PLPPR1: variants seen among roughly 807,000 people sequenced by gnomAD.
PLPPR1 encodes the protein phospholipid phosphatase-related protein type 1.
PLPPR1 carries 10 observed loss-of-function variants against 33.1 expected under a neutral mutation model. The observed-to-expected ratio is 0.30, with a 90% CI of 0.19 to 0.51. The LOEUF is 0.51. Ranked by LOEUF, PLPPR1 falls within the 20% of genes least tolerant of loss-of-function variation. The probability of loss-of-function intolerance (pLI) is 0.97; values close to 1 mark genes in which losing one functional copy is unlikely to be tolerated. For missense variants in PLPPR1, 304 were observed against 408.1 expected, an observed-to-expected ratio of 0.74 and a Z score of 2.20; for synonymous variants, 151 against 151.0, an observed-to-expected ratio of 1.00 and a Z score of 0.00.
chr9:101,092,836 G>T (rs1255749402), intron 1 of PLPPR1, among the ~76,000 whole-genome samples: 1 of 152,146 alleles, frequency 6.6e-6, no homozygotes. Flanking sequence ...ACGGTTAGAT[G>T]AGGTCACGAG....
intron 2 of PLPPR1, among the ~76,000 whole-genome samples, chr9:101,188,884 T>G (rs1826247987): frequency 6.6e-6 from 1 of 152,118 alleles, no homozygotes; most frequent in African/African-American, 2.4e-5. Flanking sequence ...ATATTTTCCT[T>G]AAAATTTTCA....
Position 101,278,738 on chromosome 9 carries a change from C to T in PLPPR1, c.253-7366C>T, listed in dbSNP as rs373762880. Reference sequence around the variant, plus strand: ...CCAGTCCTGGGTGGGACCCTGCAGTCCCAGACTTCAAGCCTGTGAGGCAGA... The same window carrying T: ...CCAGTCCTGGGTGGGACCCTGCAGTTCCAGACTTCAAGCCTGTGAGGCAGA... On this transcript the variant is annotated intron_variant, in intron 3 of 7. Coordinates refer to ENST00000374874, the MANE Select transcript of PLPPR1 (RefSeq NM_207299.2). 2.0e-5 allele frequency among the ~76,000 whole-genome samples: 3 copies of T among 152,264 alleles called. 1 individual carries two copies. The East Asian group carries it at 5.8e-4, about 29-fold the overall frequency.
intron 1 of PLPPR1, among the ~76,000 whole-genome samples, chr9:101,118,409 CAA>C (rs1242683278): frequency 6.6e-6 from 1 of 152,158 alleles, no homozygotes; most frequent in Admixed American, 6.5e-5. Context: ...ATAAATCAAA[CAA>C]GAGGTGACGA....
intron 2 of PLPPR1, among the ~76,000 whole-genome samples, chr9:101,224,019 T>A (rs1015411876): frequency 2.0e-5 from 3 of 152,168 alleles, no homozygotes; most frequent in African/African-American, 7.2e-5. Flanking sequence ...TGATGTATTA[T>A]AACATATGGC....
chr9:101,121,005 A>G (rs1203812266), intron 1 of PLPPR1, among the ~76,000 whole-genome samples: 4 of 152,198 alleles, frequency 2.6e-5, no homozygotes, highest in Admixed American at 1.3e-4. Context: ...GAGGTGAACT[A>G]TAATCCTGGG....
At chr9:101,029,293 C>T (rs1829910700) in intron 1 of PLPPR1, among the ~76,000 whole-genome samples, 191 bp downstream of exon 1, 1 of 152,224 alleles carries the variant, frequency 6.6e-6, no homozygotes, top group African/African-American at 2.4e-5. Context: ...GGGTCGCCTC[C>T]TGCGAGGTGT....
At chr9:101,154,765 T>C (rs12350634) in intron 1 of PLPPR1, among the ~76,000 whole-genome samples, 315 of 152,114 alleles carry the variant, frequency 2.1e-3, no homozygotes, top group African/African-American at 7.2e-3. Flanking sequence ...ATATACACCA[T>C]GGAATACTAT....
At chr9:101,173,647 C>G (rs1825978406) in intron 1 of PLPPR1, among the ~76,000 whole-genome samples, 1 of 152,100 alleles carries the variant, frequency 6.6e-6, no homozygotes, top group East Asian at 1.9e-4. Context: ...TTTAACCCAG[C>G]TAAAGAAGTT....
chr9:101,043,224 C>A (rs1830100592), intron 1 of PLPPR1, among the ~76,000 whole-genome samples: 1 of 151,864 alleles, frequency 6.6e-6, no homozygotes, highest in South Asian at 2.1e-4. Flanking sequence ...TAGGTTGCTG[C>A]AAATGCTGTT....
chr9:101,150,970 T>C (rs1426101803), intron 1 of PLPPR1, among the ~76,000 whole-genome samples: 1 of 152,184 alleles, frequency 6.6e-6, no homozygotes, highest in Non-Finnish European at 1.5e-5. Flanking sequence ...TTTTACATGA[T>C]TGGTCTGCTG....
At chr9:101,031,452 G>A (rs1371374792) in intron 1 of PLPPR1, among the ~76,000 whole-genome samples, 2 of 152,198 alleles carry the variant, frequency 1.3e-5, no homozygotes, top group South Asian at 2.1e-4. Context: ...TAGAAAGCAG[G>A]ATGGTTCTGT....
At chr9:101,123,014 G>C (rs1831195514) in intron 1 of PLPPR1, among the ~76,000 whole-genome samples, 1 of 152,164 alleles carries the variant, frequency 6.6e-6, no homozygotes, top group Non-Finnish European at 1.5e-5. Context: ...TGTAACATCG[G>C]TATGGTAGAT....
intron 1 of PLPPR1, among the ~76,000 whole-genome samples, chr9:101,057,521 A>AGGTGAT (rs895986261): frequency 1.3e-5 from 2 of 151,970 alleles, no homozygotes; most frequent in Non-Finnish European, 2.9e-5. Context: ...ACAATAAACA[A>AGGTGAT]GGTGATGGTA....
intron 2 of PLPPR1, among the ~76,000 whole-genome samples, chr9:101,220,500 G>T (rs753103113): frequency 6.6e-5 from 10 of 152,132 alleles, no homozygotes; most frequent in Admixed American, 1.3e-4. Flanking sequence ...TTAAGATAAG[G>T]CTTGATCCAG....
intron 1 of PLPPR1, among the ~76,000 whole-genome samples, chr9:101,053,214 A>C (rs1350215113): frequency 6.6e-6 from 1 of 152,158 alleles, no homozygotes; most frequent in Non-Finnish European, 1.5e-5. Context: ...GGCCACCATT[A>C]TCTAATCACT....
intron 3 of PLPPR1, 23 bp downstream of exon 3, chr9:101,270,091 C>T (rs771124789): frequency 6.2e-7 from 1 of 1,610,590 alleles, no homozygotes; most frequent in Non-Finnish European, 8.5e-7. Context: ...ATAGACTTTC[C>T]TCTTTATTGT....
chr9:101,244,380 G>A (rs1037109743), intron 2 of PLPPR1, among the ~76,000 whole-genome samples: 11 of 151,970 alleles, frequency 7.2e-5, no homozygotes, highest in South Asian at 2.1e-4. Flanking sequence ...TCAGAAAGAC[G>A]AAAAATAATT....
At chr9:101,166,611 G>A (rs191142427) in intron 1 of PLPPR1, among the ~76,000 whole-genome samples, 1 of 152,290 alleles carries the variant, frequency 6.6e-6, no homozygotes, top group East Asian at 1.9e-4. Context: ...GTATTAAAAA[G>A]AATGGTCAGT....
chr9:101,297,904 G>A lies in PLPPR1; in HGVS notation c.386-11307G>A, dbSNP rs112576710. On this transcript the variant is annotated intron_variant, in intron 4 of 7. Transcript: ENST00000374874. ...GTTAAACACCCACCTTTCTTTTTCA[G>A]TGGCAATGACTAAGTAAGGAAGTTA... Among the ~76,000 whole-genome samples, 985 of 152,084 alleles carry A rather than the reference G, an allele frequency of 6.5e-3. 9 individuals are homozygous for A. Among genetic ancestry groups the A allele is most frequent in the African/African-American group, 0.022 (911 of 41,486 alleles).
Sources: gnomAD v4.1 joint callset for allele counts (sites outside exome capture counted in the v4.1 genomes callset) on GRCh38, gnomAD v4.1.1 for gene constraint, MANE v1.5 for transcripts, NCBI Gene and HGNC (gene_info 2026-07-23, HGNC 2026-07-21) for gene names.